The following SFXN1 variants were observed in gnomAD, a reference collection of about 807,000 sequenced individuals.
SFXN1 encodes the protein sideroflexin-1.
In SFXN1, 32 loss-of-function variants were observed where a neutral mutation model predicts 39.5. The observed-to-expected ratio is 0.81, with a 90% confidence interval of 0.61 to 1.09. The LOEUF (loss-of-function observed/expected upper bound fraction) is 1.09, where lower values mean the gene tolerates loss of function less well. Ranked by LOEUF, SFXN1 falls within the 50% of genes least tolerant of loss-of-function variation. The pLI is 0.00. For synonymous variants in SFXN1, 136 were observed against 146.5 expected (o/e 0.93, Z 0.52); for missense variants, 402 against 407.1 (o/e 0.99, Z 0.11).
rs566733587 is a variant in SFXN1 at position 175,514,176 on chromosome 5, G to A, written c.724+586G>A. ...TATTCAGTGGAGGCTGTGCGGGGAG[G>A]CTGCCTCAGTAATCCAGGCAAGAGG... On this transcript the variant is annotated intron_variant, in intron 7 of 10. Transcript: ENST00000321442. Among the ~76,000 whole-genome samples the A allele has an allele frequency of 1.2e-3, 183 of 152,230 alleles. 1 individual carries two copies. Among genetic ancestry groups the A allele is most frequent in the African/African-American group, 4.2e-3 (175 of 41,526 alleles).
At chr5:175,496,519 A>G (rs1287636164) in intron 2 of SFXN1, among the ~76,000 whole-genome samples, 1 of 152,246 alleles carries the variant, frequency 6.6e-6, no homozygotes, top group East Asian at 1.9e-4. Flanking sequence ...TACTATATTC[A>G]ATAAATGCAT....
At chr5:175,504,567 C>T (rs1425177923) in intron 2 of SFXN1, among the ~76,000 whole-genome samples, 1 of 148,120 alleles carries the variant, frequency 6.8e-6, no homozygotes, top group Non-Finnish European at 1.5e-5. Flanking sequence ...GAGCAAGACT[C>T]CATCTCAAAA....
Position 175,528,266 on chromosome 5 carries a change from T to C in SFXN1, c.*1532T>C, listed in dbSNP as rs1164320429. ...CATAACGATGAAAAATAATACAAAT[T>C]TAAAAACCAATACAGTATAACAACT... is the stretch of plus-strand genomic sequence containing the variant. On this transcript the variant is annotated 3_prime_UTR_variant, in exon 11 of 11. Transcript: ENST00000321442. 6.6e-6 allele frequency: 1 copy of C among 152,104 alleles called. No homozygotes were observed. The highest frequency in any genetic ancestry group is 2.4e-5 in the African/African-American group (1 of 41,414). 9.4% of individuals were successfully genotyped at this position (152,104 alleles called of 1,614,324 possible).
chr5:175,516,564 T>C (rs1374735443), intron 7 of SFXN1, 50 bp from the exon 8 acceptor site: 2 of 1,528,226 alleles, frequency 1.3e-6, no homozygotes, highest in Middle Eastern at 1.8e-4. Context: ...AAAAGTAAGC[T>C]GAAAATTGGC....
chr5:175,503,435 G>A (rs1449580391), intron 2 of SFXN1, among the ~76,000 whole-genome samples: 1 of 152,102 alleles, frequency 6.6e-6, no homozygotes, highest in Non-Finnish European at 1.5e-5. Context: ...ACATGAACTG[G>A]TAGAATTTAT....
intron 2 of SFXN1, among the ~76,000 whole-genome samples, chr5:175,500,287 G>A (rs529008171): frequency 1.5e-4 from 23 of 151,698 alleles, no homozygotes; most frequent in African/African-American, 4.8e-5. Context: ...TTCCTATCTA[G>A]TAGCAATTAA....
At chr5:175,520,332 A>G (rs1463180920) in intron 8 of SFXN1, among the ~76,000 whole-genome samples, 2 of 152,148 alleles carry the variant, frequency 1.3e-5, no homozygotes, top group Non-Finnish European at 2.9e-5. Flanking sequence ...TAGGTAAGAT[A>G]TGTTCCTACC....
rs142318431 is a variant in SFXN1, at chr5:175,480,796, C to T, written c.-10+2157C>T. ...GAAGACTTACGTTGAAGTCAGGCAT[C>T]TGTATCCTGTTGTGTAGCAGTGGTG... On this transcript the variant is annotated intron_variant, in intron 1 of 10. Coordinates refer to ENST00000321442, the MANE Select transcript of SFXN1 (RefSeq NM_022754.7). Among the ~76,000 whole-genome samples, 13 of 152,330 alleles carry T rather than the reference C, an allele frequency of 8.5e-5. No individual in the cohort carries two copies. In the East Asian group the frequency reaches 2.5e-3, roughly 29 times the overall value.
At chr5:175,509,340 G>T in intron 3 of SFXN1, 138 bp downstream of exon 3, 1 of 740,270 alleles carries the variant, frequency 1.4e-6, no homozygotes, top group Non-Finnish European at 2.1e-6. Context: ...TAGCTTGATT[G>T]AATCATTCCG....
At chr5:175,487,032 A>G (rs1451402091) in intron 1 of SFXN1, among the ~76,000 whole-genome samples, 1 of 152,172 alleles carries the variant, frequency 6.6e-6, no homozygotes, top group Non-Finnish European at 1.5e-5. Flanking sequence ...AAAAACCCAT[A>G]TCAGATCTTC....
chr5:175,488,546 G>A (rs1419515274), intron 1 of SFXN1, among the ~76,000 whole-genome samples: 5 of 152,068 alleles, frequency 3.3e-5, no homozygotes, highest in South Asian at 2.1e-4. Flanking sequence ...TGATCCGCCC[G>A]CCTCGGCCTT....
intron 3 of SFXN1, 26 bp from the exon 4 acceptor site, chr5:175,510,083 G>C: frequency 6.3e-7 from 1 of 1,590,900 alleles, no homozygotes. Flanking sequence ...GTGATGGTGG[G>C]TATGTGACGG....
In SFXN1 at chr5:175,526,490, C is replaced by T. The variant is rs775143781; in HGVS notation, c.873-148C>T. ...CATTTTTCTGAAAGGAACGTGATCT[C>T]GTTTTCTAGCCGCATGAAGCATTTC... On this transcript the variant is annotated intron_variant, in intron 10 of 10. Transcript: ENST00000321442. 15 of 640,922 alleles carry T rather than the reference C, an allele frequency of 2.3e-5. 1 individual carries two copies. The East Asian group carries it at 3.4e-4, about 14-fold the overall frequency. The allele number at this position is 640,922 out of a possible 1,614,324, so 39.7% of individuals were successfully genotyped here. A position where few individuals can be genotyped will look rare whatever the true frequency, so the allele number is the denominator to read the frequency against.
chr5:175,526,611 A>G (rs1280930346), intron 10 of SFXN1, 27 bp from the exon 11 acceptor site: 3 of 1,592,472 alleles, frequency 1.9e-6, no homozygotes, highest in Non-Finnish European at 2.6e-6. Flanking sequence ...CCTGTGTAAT[A>G]ACCCTGTCAT....
At chr5:175,499,798 A>G (rs1271192691) in intron 2 of SFXN1, among the ~76,000 whole-genome samples, 1 of 152,244 alleles carries the variant, frequency 6.6e-6, no homozygotes, top group Non-Finnish European at 1.5e-5. Context: ...TAGGGCAATA[A>G]GAGAAAATTT....
chr5:175,509,961 C>A, intron 3 of SFXN1, 148 bp from the exon 4 acceptor site: 2 of 614,250 alleles, frequency 3.3e-6, no homozygotes, highest in Non-Finnish European at 2.9e-6. Flanking sequence ...AAAGCTTGCC[C>A]AGCACACAGA....
In SFXN1 at chr5:175,522,425, A is replaced by C; in HGVS notation, c.872+3A>C. 6.2e-7 allele frequency: 1 copy of C among 1,611,778 alleles called. No homozygotes were observed. Among genetic ancestry groups the C allele is most frequent in the South Asian group, 1.1e-5 (1 of 90,714 alleles). The stretch of plus-strand genomic sequence containing the variant: ...TGTGCCCTGTTTCCTCAGAAAAGGT[A>C]TGTATTTGTTATTCGTCAGAATCAT... On this transcript the variant is annotated splice_donor_region_variant and intron_variant, in intron 10 of 10. Transcript: ENST00000321442.
intron 2 of SFXN1, among the ~76,000 whole-genome samples, chr5:175,506,827 G>A (rs1380834546): frequency 6.6e-6 from 1 of 152,090 alleles, no homozygotes; most frequent in Non-Finnish European, 1.5e-5. Context: ...ACACTGCACT[G>A]GCTAATTTCT....
Position 175,526,741 on chromosome 5 carries a change from G to A in SFXN1, c.*7G>A, listed in dbSNP as rs762208930. 7.1e-5 allele frequency: 114 copies of A among 1,610,548 alleles called. No homozygotes were observed. Among genetic ancestry groups the A allele is most frequent in the Non-Finnish European group, 9.5e-5 (112 of 1,176,880 alleles). ...CTTCAATAAGGGATTGTAAAGCAGG[G>A]AGGAAACCTCTGCAGCTCATTCTGC... On this transcript the variant is annotated 3_prime_UTR_variant, in exon 11 of 11. Coordinates refer to ENST00000321442, the MANE Select transcript of SFXN1 (RefSeq NM_022754.7).
Sources: gnomAD v4.1 joint callset for allele counts (sites outside exome capture counted in the v4.1 genomes callset) on GRCh38, gnomAD v4.1.1 for gene constraint, MANE v1.5 for transcripts, NCBI Gene and HGNC (gene_info 2026-07-23, HGNC 2026-07-21) for gene names.